C3orf20: variants seen among roughly 807,000 people sequenced by gnomAD.
C3orf20 encodes the protein uncharacterized protein C3orf20.
In C3orf20, 76 loss-of-function variants were observed where a neutral mutation model predicts 88.3. The observed-to-expected ratio is 0.86, with a 90% CI of 0.72 to 1.04. The LOEUF (loss-of-function observed/expected upper bound fraction) is 1.04, where lower values mean the gene tolerates loss of function less well. C3orf20 is among the 50% of genes least tolerant of loss of function. The probability of loss-of-function intolerance (pLI) is 0.00; values close to 1 mark genes in which losing one functional copy is unlikely to be tolerated. For missense variants in C3orf20, 1,056 were observed against 1,123.3 expected (o/e 0.94, Z 0.86); for synonymous variants, 436 against 437.4 (o/e 1.00, Z 0.04).
chr3:14,684,812 G>A (rs993723814), intron 4 of C3orf20, among the ~76,000 whole-genome samples: 3 of 152,152 alleles, frequency 2.0e-5, no homozygotes, highest in African/African-American at 7.2e-5. Context: ...GGCCTATGTG[G>A]GTCAGTGGCA....
intron 12 of C3orf20, among the ~76,000 whole-genome samples, chr3:14,750,950 T>TGGA (rs556017558): frequency 3.3e-5 from 5 of 152,228 alleles, no homozygotes; most frequent in Non-Finnish European, 7.3e-5. Context: ...TGTTTGATGC[T>TGGA]GTCCCACAGA....
At chr3:14,758,617 G>A (rs538953626) in intron 13 of C3orf20, among the ~76,000 whole-genome samples, 1 of 152,306 alleles carries the variant, frequency 6.6e-6, no homozygotes, top group African/African-American at 2.4e-5. Context: ...AGAATCCGCT[G>A]TCTTTGCCCA....
rs1020608109 is a variant in C3orf20, at chr3:14,701,813, A to T, written c.746-1317A>T. ...CCTGGAAATGCTCTCTTTTCCTGGA[A>T]CCCGGGGAGACATGGCCAGTCTCAT... On this transcript the variant is annotated intron_variant, in intron 5 of 16. Transcript: ENST00000253697. This position sits in a 1 kb window ranked among gnomAD's most constrained non-coding sequence, Gnocchi z 4.6. 6.6e-6 allele frequency among the ~76,000 whole-genome samples: 1 copy of T among 152,184 alleles called. No homozygotes were observed. The highest frequency in any genetic ancestry group is 1.5e-5 in the Non-Finnish European group (1 of 68,030).
chr3:14,737,422 A>T (rs975861644), intron 12 of C3orf20, among the ~76,000 whole-genome samples: 1 of 152,278 alleles, frequency 6.6e-6, no homozygotes, highest in African/African-American at 2.4e-5. Flanking sequence ...AATCACACAA[A>T]TTTTTTGGTT....
At chr3:14,704,888 GCAGA>G (rs1391653775) in intron 7 of C3orf20, among the ~76,000 whole-genome samples, 1 of 152,216 alleles carries the variant, frequency 6.6e-6, no homozygotes, top group Non-Finnish European at 1.5e-5. Context: ...GGCTGGGAAT[GCAGA>G]CAAAGTCCCT....
chr3:14,684,430 A>C, intron 4 of C3orf20, 48 bp downstream of exon 4: 2 of 1,589,460 alleles, frequency 1.3e-6, no homozygotes, highest in Non-Finnish European at 1.7e-6. Flanking sequence ...AAACAATATC[A>C]GCAGGAATGC....
In C3orf20 at chr3:14,697,709, A is replaced by ACC. The variant is rs143422990; in HGVS notation, c.746-5416_746-5415dup. On this transcript the variant is annotated intron_variant, in intron 5 of 16. Coordinates refer to ENST00000253697, the MANE Select transcript of C3orf20 (RefSeq NM_032137.5). ...AATGCTATCCCTCCCCCAGCCCCCA[A>ACC]CCCCCCTGCTGCCAACAGGCCCTAG... 2.6e-4 allele frequency among the ~76,000 whole-genome samples: 26 copies of ACC among 101,062 alleles called. 1 individual carries two copies. The highest frequency in any genetic ancestry group is 9.0e-4 in the African/African-American group (24 of 26,724). The allele number at this position is 101,062 out of a possible 152,430, so 66.3% of individuals were successfully genotyped here. A position where few individuals can be genotyped will look rare whatever the true frequency, so the allele number is the denominator to read the frequency against.
rs776787437 is a variant in C3orf20 at position 14,726,927 on chromosome 3, C to T, written c.1593C>T (p.Asp531=). The change falls in exon 11 of 17, where the codon GAC becomes GAT. Residue 531 remains aspartate (D), a synonymous_variant. Coordinates refer to ENST00000253697, the MANE Select transcript of C3orf20 (RefSeq NM_032137.5). ...KRLNRRISNM[D]DKVYKMSRAL... ...TGAACCGCAGAATCAGCAACATGGA[C>T]GACAAGGTGTATAAGATGAGCCGAG... 4.5e-5 allele frequency: 73 copies of T among 1,613,966 alleles called. No individual in the cohort carries two copies. The highest frequency in any genetic ancestry group is 5.6e-5 in the Non-Finnish European group (66 of 1,180,018).
At chr3:14,716,434 G>A (rs2033943467) in intron 9 of C3orf20, among the ~76,000 whole-genome samples, 1 of 152,162 alleles carries the variant, frequency 6.6e-6, no homozygotes, top group Admixed American at 6.5e-5. Context: ...GAATGCATGG[G>A]AGGGCTCCAG....
rs771493611 is a variant in C3orf20, at chr3:14,759,995, T to G, written c.2349T>G (p.Ile783Met). The change falls in exon 14 of 17, where the codon ATT (isoleucine) becomes ATG (methionine). Residue 783 changes from isoleucine (I) to methionine (M), a missense_variant. By Grantham distance (10) the Ile-to-Met change is conservative. Transcript: ENST00000253697. Reference protein sequence around the residue: ...VKKNSVVQGMILMFAGGKLIF... With the variant: ...VKKNSVVQGMMLMFAGGKLIF... The stretch of plus-strand genomic sequence containing the variant: ...AGAACTCTGTGGTGCAGGGGATGAT[T>G]CTGGTGAGCCAGCAGGGACTTGCTA... 1.2e-6 allele frequency: 2 copies of G among 1,613,092 alleles called. No homozygotes were observed. The highest frequency in any genetic ancestry group is 1.7e-5 in the Admixed American group (1 of 60,016).
At chr3:14,749,367 G>A (rs1263781707) in intron 12 of C3orf20, among the ~76,000 whole-genome samples, 2 of 152,246 alleles carry the variant, frequency 1.3e-5, no homozygotes, top group Non-Finnish European at 2.9e-5. Flanking sequence ...TAGACATGGG[G>A]TATCACTGTG....
At chr3:14,762,773 G>A (rs1322327818) in intron 15 of C3orf20, among the ~76,000 whole-genome samples, 1 of 152,054 alleles carries the variant, frequency 6.6e-6, no homozygotes, top group East Asian at 1.9e-4. Flanking sequence ...ACCGAGTCTG[G>A]GTACCCCCTA....
chr3:14,747,360 G>A (rs1345212253), intron 12 of C3orf20, among the ~76,000 whole-genome samples: 2 of 152,200 alleles, frequency 1.3e-5, no homozygotes, highest in Admixed American at 6.5e-5. Context: ...TATGGCACCA[G>A]CTGGCTTTGT....
intron 7 of C3orf20, among the ~76,000 whole-genome samples, chr3:14,713,031 A>G (rs960939774): frequency 2.0e-5 from 3 of 152,098 alleles, no homozygotes; most frequent in African/African-American, 7.2e-5. Flanking sequence ...AATCTTATTG[A>G]AGTTCTCTTA....
rs996684542 is a variant in C3orf20, at chr3:14,768,642, A to C, written c.2496-3425A>C. ...GACGGATGAGGATGGTGTTAAAACT[A>C]CCTCTTTTCTGGACTGGGGCCTGAG... On this transcript the variant is annotated intron_variant, in intron 15 of 16. Transcript: ENST00000253697. The surrounding 1 kb of genome is among the most constrained non-coding windows in gnomAD (Gnocchi z 4.1). Among the ~76,000 whole-genome samples, 11 of 151,818 alleles carry C rather than the reference A, an allele frequency of 7.2e-5. No homozygotes were observed. Among genetic ancestry groups the C allele is most frequent in the African/African-American group, 2.7e-4 (11 of 41,198 alleles).
chr3:14,729,094 A>G (rs1181886589), intron 12 of C3orf20, among the ~76,000 whole-genome samples: 1 of 152,194 alleles, frequency 6.6e-6, no homozygotes, highest in Non-Finnish European at 1.5e-5. Context: ...ACTCATTCAC[A>G]TATCATCTAC....
rs369508786 is a variant in C3orf20 at position 14,754,300 on chromosome 3, AC to A, written c.1941-3070del. On this transcript the variant is annotated intron_variant, in intron 12 of 16. Transcript: ENST00000253697. ...CTGAGAATGTTGCGAGTCAGATAAA[AC>A]AAAGTCAAGCTCTGAGCTGATCCCT... Among the ~76,000 whole-genome samples the A allele has an allele frequency of 2.0e-5, 3 of 152,318 alleles. No individual in the cohort carries two copies. The South Asian group carries it at 6.2e-4, about 32-fold the overall frequency.
At chr3:14,746,912 G>A (rs2035072962) in intron 12 of C3orf20, among the ~76,000 whole-genome samples, 2 of 152,200 alleles carry the variant, frequency 1.3e-5, no homozygotes, top group African/African-American at 4.8e-5. Context: ...ACCAGCAACA[G>A]TATCCTAAAT....
intron 12 of C3orf20, among the ~76,000 whole-genome samples, chr3:14,736,450 C>T (rs1343492787): frequency 6.6e-6 from 1 of 152,086 alleles, no homozygotes; most frequent in African/African-American, 2.4e-5. Context: ...GCCACCATAC[C>T]TGGCTAATTT....
Sources: allele counts gnomAD v4.1 joint callset (sites outside exome capture counted in the v4.1 genomes callset), GRCh38; gene constraint gnomAD v4.1.1; non-coding constraint Gnocchi (gnomAD v3.1); transcripts MANE v1.5; gene names NCBI Gene and HGNC (gene_info 2026-07-23, HGNC 2026-07-21).